Variants in CSMD3 observed in about 807,000 individuals in gnomAD.
The protein encoded by CSMD3 is CUB and Sushi multiple domains 3, also known as CUB and sushi domain-containing protein 3.
In CSMD3, 177 loss-of-function variants were observed where a neutral mutation model predicts 435.2. That is an observed-to-expected ratio of 0.41 (90% CI 0.36 to 0.46). The LOEUF (loss-of-function observed/expected upper bound fraction) is 0.46. Among genes scored for constraint, CSMD3 ranks in the 20% least tolerant of loss-of-function variants. The pLI is 0.34. For missense variants in CSMD3, 4,265 were observed against 4,504.6 expected (o/e 0.95, Z 1.52); for synonymous variants, 1,656 against 1,520.5 (o/e 1.09, Z -2.07).
chr8:113,018,119 A>G (rs369729841), intron 6 of CSMD3, among the ~76,000 whole-genome samples: 2 of 152,100 alleles, frequency 1.3e-5, no homozygotes, highest in African/African-American at 2.4e-5. Context: ...TCAGTGCACT[A>G]TTACGAAAGT....
intron 27 of CSMD3, among the ~76,000 whole-genome samples, chr8:112,537,263 A>C (rs1826204573): frequency 1.3e-5 from 2 of 152,032 alleles, no homozygotes; most frequent in African/African-American, 4.8e-5. Flanking sequence ...AGCAGTACTA[A>C]TTTATAGCAG....
intron 24 of CSMD3, among the ~76,000 whole-genome samples, chr8:112,560,818 A>C (rs574557647): frequency 6.6e-6 from 1 of 151,824 alleles, no homozygotes; most frequent in African/African-American, 2.4e-5. Context: ...AAAAATTACA[A>C]GTTTGCATTT....
intron 4 of CSMD3, among the ~76,000 whole-genome samples, chr8:113,153,285 T>C (rs2091868122): frequency 6.6e-6 from 1 of 151,808 alleles, no homozygotes; most frequent in Admixed American, 6.6e-5. Context: ...AATTTGTCTT[T>C]GCATCACTCA....
intron 38 of CSMD3, among the ~76,000 whole-genome samples, chr8:112,365,647 T>A (rs1228944368): frequency 1.3e-5 from 2 of 152,036 alleles, no homozygotes; most frequent in Non-Finnish European, 2.9e-5. Flanking sequence ...AAACTTATGG[T>A]GAGGTTTGGG....
chr8:112,815,077 G>T (rs1359957791), intron 12 of CSMD3, among the ~76,000 whole-genome samples: 1 of 151,402 alleles, frequency 6.6e-6, no homozygotes, highest in Non-Finnish European at 1.5e-5. Context: ...AAATGACGAT[G>T]ATTAGAAAAG....
chr8:112,330,262 T>C (rs1823907608), intron 45 of CSMD3, among the ~76,000 whole-genome samples: 1 of 152,118 alleles, frequency 6.6e-6, no homozygotes, highest in Admixed American at 6.6e-5. Flanking sequence ...ACAGGCCTTT[T>C]AAATACATTT....
At chr8:112,798,077 G>A (rs1000296814) in intron 13 of CSMD3, among the ~76,000 whole-genome samples, 8 of 151,784 alleles carry the variant, frequency 5.3e-5, no homozygotes, top group African/African-American at 1.9e-4. Flanking sequence ...ATAAAATAGA[G>A]GAAGTGGTCT....
chr8:112,647,583 G>GGCCTCCC lies in CSMD3; in HGVS notation c.3194-2359_3194-2358insGGGAGGC, dbSNP rs1198861285. On this transcript the variant is annotated intron_variant, in intron 19 of 70. Coordinates refer to ENST00000297405, the MANE Select transcript of CSMD3 (RefSeq NM_198123.2). ...TGCCTCCCAAAGTGCTGGGATTACA[G>GGCCTCCC]GCGTAAGCCACCGCACCAGGCCTTC... Among the ~76,000 whole-genome samples, 30 of 152,256 alleles carry GGCCTCCC rather than the reference G, an allele frequency of 2.0e-4. 1 individual carries two copies. The highest frequency in any genetic ancestry group is 6.3e-4 in the African/African-American group (26 of 41,562).
chr8:112,373,698 G>C (rs1213532169), intron 38 of CSMD3, among the ~76,000 whole-genome samples: 2 of 152,094 alleles, frequency 1.3e-5, no homozygotes, highest in Non-Finnish European at 2.9e-5. Flanking sequence ...GTCACAAAAA[G>C]AGATGTTTCT....
chr8:113,213,879 T>G lies in CSMD3; in HGVS notation c.515-39963A>C, dbSNP rs1412298553. ...TTCTTTTATTCATTTGTGAAAGTTC[T>G]TTATACAATATGGATGTCATATATT... On this transcript the variant is annotated intron_variant, in intron 3 of 70. Coordinates refer to ENST00000297405, the MANE Select transcript of CSMD3 (RefSeq NM_198123.2). 7.2e-5 allele frequency among the ~76,000 whole-genome samples: 11 copies of G among 152,110 alleles called. No homozygotes were observed. In the South Asian group the frequency reaches 1.9e-3, roughly 26 times the overall value.
At chr8:112,690,936 C>T (rs576265492) in intron 13 of CSMD3, among the ~76,000 whole-genome samples, 1 of 152,042 alleles carries the variant, frequency 6.6e-6, no homozygotes, top group Non-Finnish European at 1.5e-5. Flanking sequence ...TCTCTCCTGA[C>T]ACTCAAATAT....
chr8:112,304,501 A>G (rs1821232121), intron 52 of CSMD3, among the ~76,000 whole-genome samples: 1 of 152,124 alleles, frequency 6.6e-6, no homozygotes, highest in South Asian at 2.1e-4. Context: ...TTCAAACACT[A>G]GATTTCTTAA....
intron 3 of CSMD3, among the ~76,000 whole-genome samples, chr8:113,207,467 C>A (rs533398519): frequency 6.6e-6 from 1 of 151,556 alleles, no homozygotes; most frequent in East Asian, 2.0e-4. Flanking sequence ...CTGCAAAACT[C>A]AGCCTCCCAG....
intron 1 of CSMD3, among the ~76,000 whole-genome samples, chr8:113,374,845 A>AAC (rs2094370328): frequency 5.6e-5 from 1 of 17,966 alleles, no homozygotes; most frequent in African/African-American, 1.1e-4. Flanking sequence ...AAAAAAAAAA[A>AAC]AACCAATAAA....
At chr8:113,244,785 G>T (rs902668783) in intron 3 of CSMD3, among the ~76,000 whole-genome samples, 4 of 152,002 alleles carry the variant, frequency 2.6e-5, no homozygotes, top group African/African-American at 9.7e-5. Flanking sequence ...TTTTTGAGTG[G>T]AGTGTTCTGT....
intron 5 of CSMD3, among the ~76,000 whole-genome samples, chr8:113,062,192 T>A (rs1176943224): frequency 6.6e-6 from 1 of 151,894 alleles, no homozygotes; most frequent in Non-Finnish European, 1.5e-5. Flanking sequence ...AAATTGGTTT[T>A]TGTACAAAAA....
At chr8:112,941,390 A>G (rs184948254) in intron 9 of CSMD3, among the ~76,000 whole-genome samples, 1 of 151,942 alleles carries the variant, frequency 6.6e-6, no homozygotes, top group East Asian at 1.9e-4. Context: ...AGTTAGAAAA[A>G]CACATTATTG....
chr8:112,765,079 C>G (rs2077943230), intron 13 of CSMD3, among the ~76,000 whole-genome samples: 1 of 151,414 alleles, frequency 6.6e-6, no homozygotes, highest in Non-Finnish European at 1.5e-5. Context: ...TCATGAAGAG[C>G]TTTTAATACC....
chr8:113,064,125 C>A (rs1010064840), intron 5 of CSMD3, among the ~76,000 whole-genome samples: 2 of 151,078 alleles, frequency 1.3e-5, no homozygotes, highest in Admixed American at 6.6e-5. Flanking sequence ...TTAAACTATA[C>A]TATTTATTAT....
Sources: gnomAD v4.1 joint callset for allele counts (sites outside exome capture counted in the v4.1 genomes callset) on GRCh38, gnomAD v4.1.1 for gene constraint, MANE v1.5 for transcripts, NCBI Gene and HGNC (gene_info 2026-07-23, HGNC 2026-07-21) for gene names.